TRAPPC9: variants seen among roughly 807,000 people sequenced by gnomAD.
TRAPPC9 encodes the protein trafficking protein particle complex subunit 9.
A neutral mutation model predicts 124.0 loss-of-function variants in TRAPPC9; 83 were observed. The ratio of observed to expected loss-of-function variants is 0.67; its 90% CI spans 0.56 to 0.80. The LOEUF (loss-of-function observed/expected upper bound fraction) is 0.80. TRAPPC9 is among the 30% of genes least tolerant of loss of function. TRAPPC9 has a pLI of 0.00. For synonymous variants in TRAPPC9, 638 were observed against 617.5 expected, an observed-to-expected ratio of 1.03 and a Z score of -0.49; for missense variants, 1,302 against 1,508.3, an observed-to-expected ratio of 0.86 and a Z score of 2.27.
chr8:140,088,468 CACA>C (rs1243979788), intron 17 of TRAPPC9, among the ~76,000 whole-genome samples: 6 of 152,206 alleles, frequency 3.9e-5, no homozygotes, highest in Non-Finnish European at 5.9e-5. Context: ...CGCTTAAACA[CACA>C]ACGAGGACTG....
chr8:140,440,135 C>T (rs1588359389), intron 2 of TRAPPC9, among the ~76,000 whole-genome samples: 2 of 152,156 alleles, frequency 1.3e-5, no homozygotes, highest in East Asian at 1.9e-4. Flanking sequence ...GAAAAAGAAA[C>T]GCCAGCCTTC....
At chr8:140,113,931 C>T (rs540946444) in intron 17 of TRAPPC9, among the ~76,000 whole-genome samples, 15 of 152,326 alleles carry the variant, frequency 9.8e-5, no homozygotes, top group Non-Finnish European at 2.1e-4. Flanking sequence ...CCCACTCGAT[C>T]GGAAAGTCAG....
chr8:140,190,193 C>T (rs1388292370), intron 17 of TRAPPC9, among the ~76,000 whole-genome samples: 3 of 152,144 alleles, frequency 2.0e-5, no homozygotes, highest in East Asian at 1.9e-4. Flanking sequence ...CGGTAGCTCA[C>T]GTCTGTAATC....
At position 139,745,501 on chromosome 8, in the gene TRAPPC9, C is replaced by T. The variant is rs541246306; in HGVS notation, c.3056-13299G>A. On this transcript the variant is annotated intron_variant, in intron 21 of 22. Coordinates refer to ENST00000438773, the MANE Select transcript of TRAPPC9 (RefSeq NM_001160372.4). ...CACTTGCAGCGGCTCCAGCTCAGCT[C>T]CGCCTTCAGCACGCTCAAAGCGATT... 7.2e-4 allele frequency among the ~76,000 whole-genome samples: 109 copies of T among 152,370 alleles called. 1 individual carries two copies. The highest frequency in any genetic ancestry group is 2.5e-3 in the African/African-American group (103 of 41,592).
At chr8:139,997,530 T>C (rs1354125280) in intron 18 of TRAPPC9, among the ~76,000 whole-genome samples, 3 of 113,802 alleles carry the variant, frequency 2.6e-5, no homozygotes, top group Non-Finnish European at 3.8e-5. Flanking sequence ...GGGGAGACAA[T>C]GCATCCTACA....
At chr8:139,871,577 T>C (rs1340445034) in intron 21 of TRAPPC9, among the ~76,000 whole-genome samples, 6 of 152,156 alleles carry the variant, frequency 3.9e-5, no homozygotes, top group African/African-American at 1.4e-4. Flanking sequence ...ATGAAAGGCA[T>C]GGCCCCATGT....
At chr8:139,767,832 A>G (rs1028959320) in intron 21 of TRAPPC9, among the ~76,000 whole-genome samples, 1 of 152,224 alleles carries the variant, frequency 6.6e-6, no homozygotes, top group Admixed American at 6.5e-5. Flanking sequence ...ATAGATTTTT[A>G]AGGAAAATAA....
In TRAPPC9 at chr8:140,219,241, C is replaced by T. The variant is rs1445950538; in HGVS notation, c.2556+2218G>A. 4.6e-5 allele frequency among the ~76,000 whole-genome samples: 7 copies of T among 152,340 alleles called. No individual in the cohort carries two copies. In the East Asian group the frequency reaches 5.8e-4, roughly 13 times the overall value. The stretch of plus-strand genomic sequence containing the variant: ...AGCCTGCAGCACACTCGGCGATCAT[C>T]GCGAGGGCAGCCTGCCCGGCCTGCT... On this transcript the variant is annotated intron_variant, in intron 17 of 22. Coordinates refer to ENST00000438773, the MANE Select transcript of TRAPPC9 (RefSeq NM_001160372.4).
At chr8:139,988,591 C>A in intron 19 of TRAPPC9, 135 bp downstream of exon 19, 1 of 684,854 alleles carries the variant, frequency 1.5e-6, no homozygotes, top group Non-Finnish European at 2.6e-6. Flanking sequence ...TGAATAGTCA[C>A]TACGGTATCT....
chr8:140,278,764 C>A (rs1473777133), intron 14 of TRAPPC9, among the ~76,000 whole-genome samples: 2 of 152,246 alleles, frequency 1.3e-5, no homozygotes, highest in African/African-American at 4.8e-5. Context: ...CAGGCTCCAT[C>A]TGGGCACCCG....
intron 21 of TRAPPC9, among the ~76,000 whole-genome samples, chr8:139,749,789 G>T (rs146326687): frequency 1.3e-5 from 2 of 152,214 alleles, no homozygotes; most frequent in African/African-American, 4.8e-5. Context: ...AGCGGGTGGC[G>T]GTTAGCTGCT....
intron 21 of TRAPPC9, among the ~76,000 whole-genome samples, chr8:139,783,030 C>A (rs533448040): frequency 6.6e-6 from 1 of 152,004 alleles, no homozygotes; most frequent in Admixed American, 6.5e-5. Context: ...TCAAAATCTG[C>A]GAGCCATCAC....
intron 7 of TRAPPC9, among the ~76,000 whole-genome samples, chr8:140,373,175 CT>C (rs1280303075): frequency 6.6e-6 from 1 of 152,266 alleles, no homozygotes; most frequent in African/African-American, 2.4e-5. Flanking sequence ...ACTCCTACCC[CT>C]GGGGGCCTCC....
chr8:140,419,109 C>T (rs958715868), intron 5 of TRAPPC9, among the ~76,000 whole-genome samples: 2 of 152,080 alleles, frequency 1.3e-5, no homozygotes, highest in East Asian at 3.9e-4. Flanking sequence ...CTGGCTAACA[C>T]GGTGAAACCC....
At chr8:140,301,689 C>G (rs559912716) in intron 10 of TRAPPC9, among the ~76,000 whole-genome samples, 2 of 152,134 alleles carry the variant, frequency 1.3e-5, no homozygotes, top group Non-Finnish European at 2.9e-5. Context: ...GCTCCCCACC[C>G]CCCGCCTCCC....
chr8:140,451,206 G>A lies in TRAPPC9; in HGVS notation c.168C>T (p.Arg56=), dbSNP rs759855499. 35 of 1,614,074 alleles carry A rather than the reference G, an allele frequency of 2.2e-5. No individual in the cohort carries two copies. The highest frequency in any genetic ancestry group is 1.7e-5 in the Admixed American group (1 of 60,002). ...VRDSQRVLYI[R]YRHHYPPENN... Reference sequence around the variant, plus strand: ...TCTCGGGTGGGTAGTGGTGCCTGTAGCGGATGTAGAGGACTCGCTGGGAGT... The same window carrying A: ...TCTCGGGTGGGTAGTGGTGCCTGTAACGGATGTAGAGGACTCGCTGGGAGT... Residue 56 remains arginine (R), a synonymous_variant, in exon 2 of 23, where the codon CGC becomes CGT. Transcript: ENST00000438773.
chr8:140,295,315 G>A (rs763114292), intron 11 of TRAPPC9, among the ~76,000 whole-genome samples: 6 of 152,240 alleles, frequency 3.9e-5, no homozygotes, highest in South Asian at 4.2e-4. Context: ...ACCACCCTCC[G>A]TGTCAGCTTC....
intron 17 of TRAPPC9, among the ~76,000 whole-genome samples, chr8:140,102,873 G>A (rs1340193617): frequency 6.6e-6 from 1 of 152,188 alleles, no homozygotes; most frequent in African/African-American, 2.4e-5. Context: ...TGAGCGAGGG[G>A]CTGGGCAGGA....
intron 21 of TRAPPC9, among the ~76,000 whole-genome samples, chr8:139,760,478 T>C (rs189075664): frequency 6.6e-6 from 1 of 152,244 alleles, no homozygotes; most frequent in African/African-American, 2.4e-5. Context: ...GTAGCGAAGG[T>C]TCTCTCCTTG....
Sources: gnomAD v4.1 joint callset for allele counts (sites outside exome capture counted in the v4.1 genomes callset) on GRCh38, gnomAD v4.1.1 for gene constraint, MANE v1.5 for transcripts, NCBI Gene and HGNC (gene_info 2026-07-23, HGNC 2026-07-21) for gene names.